Variants in FOXP2 observed in about 807,000 individuals in gnomAD.
FOXP2 encodes the protein forkhead box protein P2.
In FOXP2, 12 loss-of-function variants were observed where a neutral mutation model predicts 115.8. That is an observed-to-expected ratio of 0.10 (90% CI 0.07 to 0.17). The LOEUF (loss-of-function observed/expected upper bound fraction) is 0.17, where lower values mean the gene tolerates loss of function less well. Among genes scored for constraint, FOXP2 ranks in the 10% least tolerant of loss-of-function variants. The pLI is 1.00. For missense variants in FOXP2, 629 were observed against 843.5 expected (o/e 0.75, Z 3.15); for synonymous variants, 328 against 297.7 (o/e 1.10, Z -1.05).
At chr7:114,288,298 C>T (rs531101732) in intron 2 of FOXP2, among the ~76,000 whole-genome samples, 1 of 151,978 alleles carries the variant, frequency 6.6e-6, no homozygotes, top group East Asian at 1.9e-4. Flanking sequence ...TTGGGATTCC[C>T]ATTTCACTGC....
intron 7 of FOXP2, among the ~76,000 whole-genome samples, chr7:114,643,562 AT>A (rs549638514): frequency 3.4e-4 from 52 of 152,238 alleles, no homozygotes; most frequent in Admixed American, 2.3e-3. Flanking sequence ...ATGTTAGATA[AT>A]TTTTTTGATA....
At chr7:114,489,659 A>G (rs1169460150) in intron 2 of FOXP2, among the ~76,000 whole-genome samples, 2 of 152,050 alleles carry the variant, frequency 1.3e-5, no homozygotes, top group Admixed American at 1.3e-4. Flanking sequence ...ACCTACCACA[A>G]GCCCAGAAGA....
At chr7:114,603,725 C>T (rs1803154648) in intron 3 of FOXP2, among the ~76,000 whole-genome samples, 1 of 152,078 alleles carries the variant, frequency 6.6e-6, no homozygotes, top group Admixed American at 6.6e-5. Context: ...ACTAATTTTG[C>T]TTACAAAAAT....
intron 1 of FOXP2, among the ~76,000 whole-genome samples, chr7:114,202,050 A>G (rs540171543): frequency 2.6e-5 from 4 of 152,334 alleles, no homozygotes; most frequent in East Asian, 3.9e-4. Context: ...AACTTCCATG[A>G]CCACACAATT....
chr7:114,400,268 C>T (rs1792855468), intron 2 of FOXP2, among the ~76,000 whole-genome samples: 1 of 151,892 alleles, frequency 6.6e-6, no homozygotes, highest in African/African-American at 2.4e-5. Flanking sequence ...TTGTAAAACT[C>T]CATTTCTTAT....
intron 16 of FOXP2, among the ~76,000 whole-genome samples, chr7:114,679,688 C>T (rs562105620): frequency 1.3e-5 from 2 of 152,152 alleles, no homozygotes; most frequent in Admixed American, 1.3e-4. Flanking sequence ...TCTCCATTTT[C>T]CCTATTTCTA....
intron 1 of FOXP2, among the ~76,000 whole-genome samples, chr7:114,209,343 G>A (rs1005405824): frequency 6.6e-6 from 1 of 152,142 alleles, no homozygotes; most frequent in Admixed American, 6.6e-5. Flanking sequence ...TCAGTCTTGG[G>A]TATGTCGTTA....
chr7:114,454,521 A>G (rs1420003335), intron 2 of FOXP2, among the ~76,000 whole-genome samples: 1 of 151,294 alleles, frequency 6.6e-6, no homozygotes, highest in Non-Finnish European at 1.5e-5. Context: ...ATTACTGGGT[A>G]TATACCCAAA....
intron 2 of FOXP2, among the ~76,000 whole-genome samples, chr7:114,314,268 A>G (rs1460755390): frequency 1.4e-5 from 2 of 147,072 alleles, no homozygotes; most frequent in Non-Finnish European, 3.0e-5. Flanking sequence ...TGTTTTATAT[A>G]TAATATATAT....
At chr7:114,265,310 C>T (rs1795869221) in intron 1 of FOXP2, among the ~76,000 whole-genome samples, 1 of 152,152 alleles carries the variant, frequency 6.6e-6, no homozygotes, top group African/African-American at 2.4e-5. Context: ...AAAGGGGCTA[C>T]AGGTCTCAGG....
At chr7:114,614,044 G>A (rs1364130854) in intron 3 of FOXP2, 4 of 152,176 alleles carry the variant, frequency 2.6e-5, no homozygotes, top group Non-Finnish European at 5.9e-5. Context: ...CTGAACATAT[G>A]TCATTTCACA....
At chr7:114,134,712 CAA>C (rs35653755) in intron 1 of FOXP2, among the ~76,000 whole-genome samples, 249 of 112,282 alleles carry the variant, frequency 2.2e-3, no homozygotes, top group Admixed American at 1.7e-3. Flanking sequence ...GACTCCGTCT[CAA>C]AAAAAAAAAA....
At chr7:114,254,092 C>A (rs1303615311) in intron 1 of FOXP2, among the ~76,000 whole-genome samples, 2 of 152,096 alleles carry the variant, frequency 1.3e-5, no homozygotes, top group African/African-American at 4.8e-5. Context: ...GTTGAAAATT[C>A]TTTTCTTTAA....
intron 1 of FOXP2, among the ~76,000 whole-genome samples, chr7:114,169,980 G>A (rs1793095465): frequency 6.6e-6 from 1 of 152,166 alleles, no homozygotes; most frequent in Non-Finnish European, 1.5e-5. Context: ...CCCCAGCCAT[G>A]TGAAACTATA....
chr7:114,274,009 CA>C (rs1484854038), intron 1 of FOXP2, among the ~76,000 whole-genome samples: 1 of 151,756 alleles, frequency 6.6e-6, no homozygotes, highest in Non-Finnish European at 1.5e-5. Flanking sequence ...ATTTTTCTTC[CA>C]TTTTTTCCTG....
At chr7:114,500,916 T>C (rs1044733618) in intron 2 of FOXP2, among the ~76,000 whole-genome samples, 9 of 152,236 alleles carry the variant, frequency 5.9e-5, no homozygotes, top group Non-Finnish European at 1.3e-4. Flanking sequence ...CCTGTTCGTT[T>C]ATCACATTTA....
intron 2 of FOXP2, among the ~76,000 whole-genome samples, chr7:114,345,611 T>C (rs1265021093): frequency 6.6e-6 from 1 of 151,782 alleles, no homozygotes; most frequent in African/African-American, 2.4e-5. Context: ...ATCTATACTT[T>C]ATATGATCTC....
chr7:114,550,094 C>T (rs924967930), intron 3 of FOXP2, among the ~76,000 whole-genome samples: 35 of 149,202 alleles, frequency 2.3e-4, no homozygotes, highest in African/African-American at 8.6e-4. Flanking sequence ...ACATTGAGAG[C>T]TCATCTTCCT....
intron 12 of FOXP2, 33 bp from the exon 13 acceptor site, chr7:114,659,539 T>C: frequency 6.3e-7 from 1 of 1,597,148 alleles, no homozygotes; most frequent in Non-Finnish European, 8.6e-7. Flanking sequence ...TAAACCATTA[T>C]TTTATGTCAC....
Sources: allele counts gnomAD v4.1 joint callset (sites outside exome capture counted in the v4.1 genomes callset), GRCh38; gene constraint gnomAD v4.1.1; transcripts MANE v1.5; gene names NCBI Gene and HGNC (gene_info 2026-07-23, HGNC 2026-07-21).